Variants in FAM167A observed in about 807,000 individuals in gnomAD.
FAM167A encodes the protein family with sequence similarity 167 member A, also known as protein FAM167A.
FAM167A carries 23 observed loss-of-function variants against 14.9 expected under a neutral mutation model. That is an observed-to-expected ratio of 1.55 (90% confidence interval 1.11 to 2.19). The LOEUF (loss-of-function observed/expected upper bound fraction) is 2.19, where lower values mean the gene tolerates loss of function less well. FAM167A is among the 30% of genes most tolerant of loss of function. FAM167A has a pLI of 0.00. For synonymous variants in FAM167A, 174 were observed against 117.7 expected, an observed-to-expected ratio of 1.48 and a Z score of -3.10; for missense variants, 401 against 281.5, an observed-to-expected ratio of 1.42 and a Z score of -3.04.
At chr8:11,442,824 T>G (rs868139940) in intron 2 of FAM167A, among the ~76,000 whole-genome samples, 5 of 152,108 alleles carry the variant, frequency 3.3e-5, no homozygotes, top group Admixed American at 6.5e-5. Context: ...AATAGAATGG[T>G]GTGTTCTGAG....
At chr8:11,443,743 G>T (rs1806583615) in intron 2 of FAM167A, 2 of 372,950 alleles carry the variant, frequency 5.4e-6, no homozygotes, top group Non-Finnish European at 4.9e-6. Context: ...GAGCGGTGTT[G>T]GGGGGAGGGG....
In FAM167A at chr8:11,444,494, G is replaced by A. The variant is rs535135019; in HGVS notation, c.-83C>T. Reference sequence around the variant, plus strand: ...TTGGTGGGTGGCACAGTTGGGTCCCGCTCTGGGATGGCCTCATCCAGGTGC... The same window carrying A: ...TTGGTGGGTGGCACAGTTGGGTCCCACTCTGGGATGGCCTCATCCAGGTGC... On this transcript the variant is annotated 5_prime_UTR_variant, in exon 2 of 3. Coordinates refer to ENST00000284486, the MANE Select transcript of FAM167A (RefSeq NM_053279.3). 106 of 1,492,542 alleles carry A rather than the reference G, an allele frequency of 7.1e-5. No homozygotes were observed. In the African/African-American group the frequency reaches 8.7e-4, roughly 12 times the overall value. 92.5% of individuals were successfully genotyped at this position (1,492,542 alleles called of 1,614,324 possible). A position where few individuals can be genotyped will look rare whatever the true frequency, so the allele number is the denominator to read the frequency against.
At position 11,424,649 on chromosome 8, in the gene FAM167A, G is replaced by T. The variant is rs761299096; in HGVS notation, c.382-13C>A. On this transcript the variant is annotated splice_polypyrimidine_tract_variant and intron_variant, in intron 2 of 2. Transcript: ENST00000284486. ...GCCGCATCTCCGTCTGGAAGGGAGGGGGAGCAGGCAGGGTCAGCAGAGAGT... is the reference window on the plus strand; with the variant it reads ...GCCGCATCTCCGTCTGGAAGGGAGGTGGAGCAGGCAGGGTCAGCAGAGAGT... 6.2e-7 allele frequency: 1 copy of T among 1,612,606 alleles called. No individual in the cohort carries two copies. The highest frequency in any genetic ancestry group is 8.5e-7 in the Non-Finnish European group (1 of 1,179,440).
upstream of FAM167A, among the ~76,000 whole-genome samples, chr8:11,470,133 T>G (rs372738246): frequency 6.5e-4 from 99 of 152,232 alleles, 1 homozygote; most frequent in Middle Eastern, 6.8e-3. Context: ...ATACGCTAAG[T>G]AAATAAGCAA....
intron 1 of FAM167A, among the ~76,000 whole-genome samples, chr8:11,475,689 C>T (rs1797855036): frequency 6.6e-6 from 1 of 152,186 alleles, no homozygotes; most frequent in African/African-American, 2.4e-5. Context: ...TGATCTGACT[C>T]AATCAGGTCA....
rs1219678472 is a variant in FAM167A, at chr8:11,455,707, C to T, written c.-397-10899G>A. Among the ~76,000 whole-genome samples the T allele has an allele frequency of 4.7e-4, 9 of 19,134 alleles. No individual in the cohort carries two copies. In the East Asian group the frequency reaches 0.012, roughly 25 times the overall value. 12.6% of individuals were successfully genotyped at this position (19,134 alleles called of 152,430 possible). On this transcript the variant is annotated intron_variant, in intron 1 of 2. Transcript: ENST00000284486. ...GTGGGTGTGGGGGATGGTTGCTCTG[C>T]GGGGTGTATGAGTGTGTGAGTGTCG...
At chr8:11,443,184 G>C (rs759838736) in intron 2 of FAM167A, among the ~76,000 whole-genome samples, 1 of 152,200 alleles carries the variant, frequency 6.6e-6, no homozygotes, top group African/African-American at 2.4e-5. Context: ...GCCTGGTGCT[G>C]CTGAGAGGCT....
chr8:11,457,048 A>C (rs187740522), intron 1 of FAM167A, among the ~76,000 whole-genome samples: 1 of 41,030 alleles, frequency 2.4e-5, no homozygotes, highest in African/African-American at 9.9e-5. Flanking sequence ...GGCTGGGTTA[A>C]GGAAGTGGGT....
At chr8:11,464,545 C>A (rs1807676911) in intron 1 of FAM167A, among the ~76,000 whole-genome samples, 1 of 152,188 alleles carries the variant, frequency 6.6e-6, no homozygotes, top group Non-Finnish European at 1.5e-5. Context: ...CAATCCAAGT[C>A]TCGGGGTGCA....
chr8:11,433,371 AC>A (rs892058852), intron 2 of FAM167A, among the ~76,000 whole-genome samples: 1 of 152,090 alleles, frequency 6.6e-6, no homozygotes, highest in African/African-American at 2.4e-5. Context: ...CAAAAGTCTT[AC>A]CCGAAACCCT....
rs907048318 is a variant in FAM167A, at chr8:11,444,510, A to G, written c.-99T>C. ...TTGGGTCCCGCTCTGGGATGGCCTC[A>G]TCCAGGTGCCCGAGGGCATTTCCGG... On this transcript the variant is annotated 5_prime_UTR_variant, in exon 2 of 3. An upstream start codon of the reference 5' UTR is lost. Transcript: ENST00000284486. 1.4e-6 allele frequency: 2 copies of G among 1,480,952 alleles called. No individual in the cohort carries two copies. Among genetic ancestry groups the G allele is most frequent in the Non-Finnish European group, 1.8e-6 (2 of 1,123,118 alleles). The allele number at this position is 1,480,952 out of a possible 1,614,324, so 91.7% of individuals were successfully genotyped here.
rs1302696792 is a variant in FAM167A, at chr8:11,422,076, C to G, written c.*2297G>C. ...CGAGCAAAATAGCTCAGACATTTAA[C>G]TTATCCCCAAACATGTGTCTTGATC... On this transcript the variant is annotated 3_prime_UTR_variant, in exon 3 of 3. Transcript: ENST00000284486. 5.6e-6 allele frequency: 2 copies of G among 359,624 alleles called. No individual in the cohort carries two copies. Among genetic ancestry groups the G allele is most frequent in the East Asian group, 8.2e-5 (2 of 24,496 alleles). The allele number at this position is 359,624 out of a possible 1,614,324, so 22.3% of individuals were successfully genotyped here.
chr8:11,446,539 G>A (rs138412922), intron 1 of FAM167A: 3 of 152,184 alleles, frequency 2.0e-5, no homozygotes, highest in East Asian at 1.9e-4. Context: ...GAGAACCACT[G>A]TCTCCAGATG....
chr8:11,431,819 C>G (rs1350419385), intron 2 of FAM167A, among the ~76,000 whole-genome samples: 1 of 130,262 alleles, frequency 7.7e-6, no homozygotes, highest in East Asian at 2.2e-4. Context: ...GAAGAGTAGT[C>G]TGGGAGGTAG....
At chr8:11,442,844 C>A (rs1358827055) in intron 2 of FAM167A, among the ~76,000 whole-genome samples, 1 of 152,178 alleles carries the variant, frequency 6.6e-6, no homozygotes, top group African/African-American at 2.4e-5. Context: ...GAAGCACTCT[C>A]GGTATCAAGT....
In FAM167A at chr8:11,424,595, G is replaced by C. The variant is rs200337863; in HGVS notation, c.423C>G (p.Leu141=). Residue 141 remains leucine, a synonymous_variant, in exon 3 of 3, where the codon CTC becomes CTG. Transcript: ENST00000284486. ...TGTTGATGTCGCCACGCAGGCGCAT[G>C]AGCTGTCTGGCCAGTTGCTGGTCCT... ...RLQDQQLARQ[L]MRLRGDINKL... 9.9e-6 allele frequency: 16 copies of C among 1,613,994 alleles called. No individual in the cohort carries two copies. Among genetic ancestry groups the C allele is most frequent in the African/African-American group, 1.3e-5 (1 of 74,920 alleles).
chr8:11,461,983 T>C (rs983079142), intron 1 of FAM167A, among the ~76,000 whole-genome samples: 12 of 152,208 alleles, frequency 7.9e-5, no homozygotes, highest in African/African-American at 2.4e-4. Flanking sequence ...GGGGTCCCAG[T>C]GTGGCCTCAG....
rs781164142 is a variant in FAM167A, at chr8:11,424,673, G to A, written c.382-37C>T. 6 of 1,606,408 alleles carry A rather than the reference G, an allele frequency of 3.7e-6. No homozygotes were observed. In the African/African-American group the frequency reaches 6.7e-5, roughly 18 times the overall value. On this transcript the variant is annotated intron_variant, in intron 2 of 2. Transcript: ENST00000284486. ...GGGGAGCAGGCAGGGTCAGCAGAGA[G>A]TGGCTCGAGTCCCTGACAGGCACAG... is the stretch of plus-strand genomic sequence containing the variant.
intron 1 of FAM167A, among the ~76,000 whole-genome samples, chr8:11,453,837 G>T (rs144646216): frequency 2.6e-5 from 4 of 152,232 alleles, no homozygotes; most frequent in African/African-American, 9.6e-5. Context: ...CATAAACACT[G>T]CAGGGAAGGC....
Sources: allele counts gnomAD v4.1 joint callset (sites outside exome capture counted in the v4.1 genomes callset), GRCh38; gene constraint gnomAD v4.1.1; transcripts MANE v1.5; gene names NCBI Gene and HGNC (gene_info 2026-07-23, HGNC 2026-07-21).